CLK1: variants seen among roughly 807,000 people sequenced by gnomAD.
CLK1 encodes the protein CDC like kinase 1.
Under a neutral mutation model 60.9 loss-of-function variants are expected in CLK1, and 40 were observed. That is an observed-to-expected ratio of 0.66 (90% CI 0.51 to 0.86). The LOEUF is 0.86. Ranked by LOEUF, CLK1 falls within the 40% of genes least tolerant of loss-of-function variation. CLK1 has a pLI of 0.00. For synonymous variants in CLK1, 203 were observed against 184.4 expected, an observed-to-expected ratio of 1.10 and a Z score of -0.82; for missense variants, 563 against 606.1, an observed-to-expected ratio of 0.93 and a Z score of 0.75.
At position 200,855,093 on chromosome 2, in the gene CLK1, A is replaced by C. The variant is rs1178858636; in HGVS notation, c.1058-7T>G. On this transcript the variant is annotated splice_polypyrimidine_tract_variant and splice_region_variant and intron_variant, in intron 9 of 12. Coordinates refer to ENST00000321356, the MANE Select transcript of CLK1 (RefSeq NM_004071.4). ...GGTTGGGACCACCCTAGGGCTGCAA[A>C]GCAAAGCAAAATTTAAGGAAAAAAA... is the stretch of plus-strand genomic sequence containing the variant. 1.3e-6 allele frequency: 2 copies of C among 1,587,622 alleles called. No individual in the cohort carries two copies. Among genetic ancestry groups the C allele is most frequent in the African/African-American group, 2.7e-5 (2 of 73,212 alleles).
chr2:200,860,243 G>C (rs779308732), intron 3 of CLK1, 28 bp from the exon 4 acceptor site: 3 of 1,613,528 alleles, frequency 1.9e-6, no homozygotes, highest in East Asian at 4.5e-5. Context: ...GCGGCACCAA[G>C]ATCATCCAGC....
intron 5 of CLK1, 113 bp downstream of exon 5, chr2:200,859,567 A>G (rs951086480): frequency 1.4e-6 from 1 of 711,034 alleles, no homozygotes; most frequent in African/African-American, 1.8e-5. Flanking sequence ...ACATCCAAGT[A>G]AAAAAGGGTA....
At chr2:200,855,320 T>C (rs769293161) in intron 9 of CLK1, among the ~76,000 whole-genome samples, 9 of 151,492 alleles carry the variant, frequency 5.9e-5, no homozygotes, top group African/African-American at 1.7e-4. Context: ...TATTAAGATA[T>C]ATATATATCT....
chr2:200,854,428 C>T (rs371869499), intron 11 of CLK1, among the ~76,000 whole-genome samples, 188 bp downstream of exon 11: 1 of 151,102 alleles, frequency 6.6e-6, no homozygotes, highest in East Asian at 1.9e-4. Context: ...CCCAGCTACT[C>T]GGGAGGCTGA....
rs768474304 is a variant in CLK1, at chr2:200,853,262, T to C, written c.*44A>G. Reference sequence around the variant, plus strand: ...ACTTAAAATTTAAAAATTAGACTGATACAGTCTGTAAGATCTCTTCGAGAG... The same window carrying C: ...ACTTAAAATTTAAAAATTAGACTGACACAGTCTGTAAGATCTCTTCGAGAG... On this transcript the variant is annotated 3_prime_UTR_variant, in exon 13 of 13. Coordinates refer to ENST00000321356, the MANE Select transcript of CLK1 (RefSeq NM_004071.4). The C allele has an allele frequency of 1.4e-6, 2 of 1,449,824 alleles. No homozygotes were observed. Among genetic ancestry groups the C allele is most frequent in the Non-Finnish European group, 1.9e-6 (2 of 1,068,830 alleles). The allele number at this position is 1,449,824 out of a possible 1,614,324, so 89.8% of individuals were successfully genotyped here.
chr2:200,861,535 A>AGGTGGGG, intron 2 of CLK1, 69 bp from the exon 3 acceptor site: 6 of 1,582,084 alleles, frequency 3.8e-6, no homozygotes, highest in Non-Finnish European at 5.1e-6. Context: ...TCTTCAAGAC[A>AGGTGGGG]GCACCTAGAC....
intron 9 of CLK1, among the ~76,000 whole-genome samples, chr2:200,855,865 C>G (rs560933867): frequency 6.6e-6 from 1 of 150,630 alleles, no homozygotes; most frequent in Non-Finnish European, 1.5e-5. Flanking sequence ...GAAAATTAAC[C>G]GGGTGTGGTG....
intron 1 of CLK1, chr2:200,864,204 G>T: frequency 6.5e-7 from 1 of 1,549,644 alleles, no homozygotes; most frequent in African/African-American, 1.4e-5. Context: ...CAGGGCCGAA[G>T]CCGGCCTCCG....
chr2:200,863,263 A>T (rs991983360), intron 1 of CLK1: 1 of 152,164 alleles, frequency 6.6e-6, no homozygotes, highest in African/African-American at 2.4e-5. Flanking sequence ...ATAATTTTTA[A>T]AGCCCTCCAA....
chr2:200,854,831 G>T, intron 10 of CLK1, 136 bp from the exon 11 acceptor site: 1 of 780,374 alleles, frequency 1.3e-6, no homozygotes, highest in Non-Finnish European at 2.1e-6. Flanking sequence ...ACGGATAATT[G>T]CTTATATACT....
intron 2 of CLK1, 113 bp from the exon 3 acceptor site, chr2:200,861,579 C>G: frequency 6.4e-7 from 1 of 1,558,736 alleles, no homozygotes; most frequent in South Asian, 1.2e-5. Context: ...ACAAACATTA[C>G]AAACCATCAA....
At chr2:200,858,973 G>A (rs530856283) in intron 5 of CLK1, among the ~76,000 whole-genome samples, 31 of 152,166 alleles carry the variant, frequency 2.0e-4, no homozygotes, top group African/African-American at 6.0e-4. Context: ...TCAGGAGTTC[G>A]AGACCAGCCT....
chr2:200,861,557 C>T, intron 2 of CLK1, 91 bp from the exon 3 acceptor site: 1 of 1,560,162 alleles, frequency 6.4e-7, no homozygotes, highest in Non-Finnish European at 8.6e-7. Flanking sequence ...CCCCCACAAG[C>T]AGCTTAATTT....
chr2:200,860,469 C>A, intron 3 of CLK1: 1 of 1,212,994 alleles, frequency 8.2e-7, no homozygotes, highest in South Asian at 3.2e-5. Flanking sequence ...GGCAAGGCAA[C>A]AAAACATAAT....
intron 1 of CLK1, among the ~76,000 whole-genome samples, chr2:200,862,204 A>C (rs2039150729): frequency 6.6e-6 from 1 of 152,184 alleles, no homozygotes; most frequent in African/African-American, 2.4e-5. Flanking sequence ...AGCACTATAG[A>C]AGTCCACGCT....
In CLK1 at chr2:200,857,002, A is replaced by C. The variant is rs747340481; in HGVS notation, c.833-17T>G. On this transcript the variant is annotated splice_polypyrimidine_tract_variant and intron_variant, in intron 7 of 12. Transcript: ENST00000321356. ...TGTGCAAAACTGAGAATAAAGAGAA[A>C]GTTGCTGTAATCAGAAAACACCAAA... 1.2e-6 allele frequency: 2 copies of C among 1,603,568 alleles called. No individual in the cohort carries two copies. The highest frequency in any genetic ancestry group is 1.7e-6 in the Non-Finnish European group (2 of 1,171,938).
At chr2:200,862,321 C>G (rs549503125) in intron 1 of CLK1, among the ~76,000 whole-genome samples, 2 of 152,160 alleles carry the variant, frequency 1.3e-5, no homozygotes, top group Non-Finnish European at 2.9e-5. Context: ...TAAAAATAGC[C>G]TTAACTGATG....
chr2:200,853,555 A>C (rs1259460097), intron 12 of CLK1, 106 bp from the exon 13 acceptor site: 7 of 1,077,654 alleles, frequency 6.5e-6, no homozygotes, highest in East Asian at 2.6e-5. Context: ...AAAAACAGAA[A>C]AGAGGCCAGG....
Position 200,861,230 on chromosome 2 carries a change from G to A in CLK1, c.390+8C>T, listed in dbSNP as rs201547769. 3.1e-6 allele frequency: 5 copies of A among 1,612,696 alleles called. No homozygotes were observed. The East Asian group carries it at 6.7e-5, about 22-fold the overall frequency. On this transcript the variant is annotated splice_region_variant and intron_variant, in intron 3 of 12. Transcript: ENST00000321356. ...AAAATTTCCAAAATGTTTTAAAAAC[G>A]TTCATACCCCATGTGAACGACGATG...
Sources: gnomAD v4.1 joint callset for allele counts (sites outside exome capture counted in the v4.1 genomes callset) on GRCh38, gnomAD v4.1.1 for gene constraint, MANE v1.5 for transcripts, NCBI Gene and HGNC (gene_info 2026-07-23, HGNC 2026-07-21) for gene names.